The following PITPNM2 variants were observed in gnomAD, a reference collection of about 807,000 sequenced individuals.
The protein encoded by PITPNM2 is membrane-associated phosphatidylinositol transfer protein 2.
PITPNM2 carries 35 observed loss-of-function variants against 132.2 expected under a neutral mutation model. That is an observed-to-expected ratio of 0.26 (90% confidence interval 0.20 to 0.35). The LOEUF is 0.35. Ranked by LOEUF, PITPNM2 falls within the 10% of genes least tolerant of loss-of-function variation. The pLI is 1.00. For missense variants in PITPNM2, 1,332 were observed against 1,912.0 expected, an observed-to-expected ratio of 0.70 and a Z score of 5.66; for synonymous variants, 738 against 799.2, an observed-to-expected ratio of 0.92 and a Z score of 1.29.
At chr12:123,145,185 A>AT (rs2043589717) in intron 1 of PITPNM2, among the ~76,000 whole-genome samples, 1 of 152,284 alleles carries the variant, frequency 6.6e-6, no homozygotes, top group Middle Eastern at 3.4e-3. Flanking sequence ...CAAAAAATAA[A>AT]AAAAGAAGAA....
intron 1 of PITPNM2, among the ~76,000 whole-genome samples, chr12:123,139,500 C>CAAA (rs549346988): frequency 9.7e-6 from 1 of 102,576 alleles, no homozygotes; most frequent in Non-Finnish European, 2.0e-5. Flanking sequence ...GATTACCTCT[C>CAAA]AAAAAAAAAA....
At chr12:123,070,478 G>C (rs2041590843) in intron 2 of PITPNM2, among the ~76,000 whole-genome samples, 1 of 152,202 alleles carries the variant, frequency 6.6e-6, no homozygotes, top group African/African-American at 2.4e-5. Context: ...TGGGCATCAG[G>C]GAAGGTCTGC....
At chr12:123,127,395 G>T (rs2043161216) in intron 1 of PITPNM2, among the ~76,000 whole-genome samples, 1 of 152,104 alleles carries the variant, frequency 6.6e-6, no homozygotes, top group South Asian at 2.1e-4. Context: ...AGGTGTTAGA[G>T]GTGCTCCTAC....
chr12:123,071,752 T>TG (rs537679961), intron 2 of PITPNM2, among the ~76,000 whole-genome samples: 231 of 152,260 alleles, frequency 1.5e-3, no homozygotes, highest in African/African-American at 5.4e-3. Flanking sequence ...ACAACGCCCA[T>TG]GGGGGGACCA....
At chr12:123,124,609 T>C (rs1240883263) in intron 1 of PITPNM2, among the ~76,000 whole-genome samples, 3 of 152,146 alleles carry the variant, frequency 2.0e-5, no homozygotes, top group South Asian at 2.1e-4. Context: ...TTCTAGGGTA[T>C]ATGCACAACG....
intron 1 of PITPNM2, chr12:123,149,792 G>A (rs1173127145): frequency 6.6e-6 from 1 of 152,430 alleles, no homozygotes; most frequent in African/African-American, 2.4e-5. Context: ...CCCTCCAGAA[G>A]TGGGGGGTCT....
chr12:123,081,683 G>C (rs568323813), intron 2 of PITPNM2: 1 of 152,184 alleles, frequency 6.6e-6, no homozygotes, highest in Admixed American at 6.5e-5. Context: ...CCAGGGTCCC[G>C]ACCCCACCAA....
intron 1 of PITPNM2, among the ~76,000 whole-genome samples, chr12:123,131,256 A>C (rs2137552242): frequency 6.6e-6 from 1 of 152,280 alleles, no homozygotes; most frequent in Middle Eastern, 3.4e-3. Flanking sequence ...TATAAGAGAA[A>C]AGTCACAGAG....
intron 2 of PITPNM2, among the ~76,000 whole-genome samples, chr12:123,055,432 C>T (rs1332700189): frequency 2.0e-5 from 3 of 152,194 alleles, no homozygotes; most frequent in Admixed American, 6.5e-5. Flanking sequence ...AGGCTTCTCC[C>T]GTCTAAGGAA....
intron 18 of PITPNM2, 71 bp from the exon 19 acceptor site, chr12:122,988,943 C>G: frequency 6.9e-7 from 1 of 1,446,756 alleles, no homozygotes; most frequent in Non-Finnish European, 9.2e-7. Context: ...GTCACCCGGC[C>G]CCTCTGGCCT....
chr12:123,052,901 A>T (rs984116894), intron 2 of PITPNM2, among the ~76,000 whole-genome samples: 2 of 146,992 alleles, frequency 1.4e-5, no homozygotes, highest in Non-Finnish European at 3.0e-5. Flanking sequence ...TTTTTATATT[A>T]TTTATTTTTT....
Position 123,012,598 on chromosome 12 carries a change from GC to G in PITPNM2, c.415+14del. ...CCAGAGTACAGCCCTGTGGGGCTCT[GC>G]CCTTCCTGGTTACCGATTGTCAGCT... On this transcript the variant is annotated intron_variant, in intron 5 of 25. Transcript: ENST00000320201. 1 of 1,613,844 alleles carries G rather than the reference GC, an allele frequency of 6.2e-7. No individual in the cohort carries two copies. The highest frequency in any genetic ancestry group is 8.5e-7 in the Non-Finnish European group (1 of 1,179,744).
chr12:123,088,009 A>G (rs1185014701), intron 2 of PITPNM2: 3 of 152,058 alleles, frequency 2.0e-5, no homozygotes, highest in African/African-American at 7.3e-5. Flanking sequence ...AGATTATGCT[A>G]CTCTCTACCT....
chr12:123,085,690 A>G (rs773315528), intron 2 of PITPNM2, among the ~76,000 whole-genome samples: 61 of 152,096 alleles, frequency 4.0e-4, no homozygotes, highest in Admixed American at 2.0e-3. Flanking sequence ...TACCACAATA[A>G]AAAAAAATAC....
intron 1 of PITPNM2, among the ~76,000 whole-genome samples, chr12:123,144,346 A>T (rs1208081206): frequency 6.6e-6 from 1 of 152,252 alleles, no homozygotes; most frequent in Non-Finnish European, 1.5e-5. Flanking sequence ...CTCTTGTGTT[A>T]GAGAAGCTTC....
intron 2 of PITPNM2, chr12:123,081,450 C>A (rs1004679523): frequency 6.6e-6 from 1 of 152,252 alleles, no homozygotes; most frequent in Non-Finnish European, 1.5e-5. Flanking sequence ...GTGGCAGAGA[C>A]CCCTGAGGGG....
rs1285046489 is a variant in PITPNM2, at chr12:123,058,754, GTGCTCAACCCC to G, written c.-95-24080_-95-24070del. Among the ~76,000 whole-genome samples, 2 of 152,202 alleles carry G rather than the reference GTGCTCAACCCC, an allele frequency of 1.3e-5. No homozygotes were observed. Among genetic ancestry groups the G allele is most frequent in the Admixed American group, 1.3e-4 (2 of 15,288 alleles). On this transcript the variant is annotated intron_variant, in intron 2 of 25. Coordinates refer to ENST00000320201, the MANE Select transcript of PITPNM2 (RefSeq NM_020845.3). This position sits in a 1 kb window ranked among gnomAD's most constrained non-coding sequence, Gnocchi z 4.0. ...ACTGTTGCCTGAGGCATTTGCTCAA[GTGCTCAACCCC>G]TGCTGGTTCTTTTGTGGAAAAAGCC...
In PITPNM2 at chr12:123,000,340, G is replaced by A; in HGVS notation, c.1224+438C>T. The A allele has an allele frequency of 4.3e-6, 3 of 695,938 alleles. No homozygotes were observed. 43.1% of individuals were successfully genotyped at this position (695,938 alleles called of 1,614,324 possible). On this transcript the variant is annotated intron_variant, in intron 10 of 25. Transcript: ENST00000320201. This position sits in a 1 kb window ranked among gnomAD's most constrained non-coding sequence, Gnocchi z 5.4. ...AGTTTTATTGGACACACTGAGCTCC[G>A]CCTGCCTCCCGCGGGGCCATCTTGT...
At chr12:123,088,425 T>C (rs540580642) in intron 2 of PITPNM2, 1 of 152,164 alleles carries the variant, frequency 6.6e-6, no homozygotes, top group Non-Finnish European at 1.5e-5. Context: ...GGCTCACTGA[T>C]GAATCTGTGC....
Sources: allele counts gnomAD v4.1 joint callset (sites outside exome capture counted in the v4.1 genomes callset), GRCh38; gene constraint gnomAD v4.1.1; non-coding constraint Gnocchi (gnomAD v3.1); transcripts MANE v1.5; gene names NCBI Gene and HGNC (gene_info 2026-07-23, HGNC 2026-07-21).